Variants in LASP1 observed in about 807,000 individuals in gnomAD.
The protein encoded by LASP1 is LIM and SH3 protein 1, also known as LIM and SH3 domain protein 1.
Under a neutral mutation model 38.6 loss-of-function variants are expected in LASP1, and 10 were observed. That is an observed-to-expected ratio of 0.26 (90% CI 0.16 to 0.44). The LOEUF (loss-of-function observed/expected upper bound fraction) is 0.44. LASP1 is among the 20% of genes least tolerant of loss of function. LASP1 has a pLI of 1.00. For missense variants in LASP1, 243 were observed against 375.7 expected (o/e 0.65, Z 2.92); for synonymous variants, 132 against 140.8 (o/e 0.94, Z 0.44).
chr17:38,915,553 CGCATCACCCTGATGCTTT>C (rs1283859122), intron 6 of LASP1: 3 of 160,948 alleles, frequency 1.9e-5, no homozygotes, highest in African/African-American at 7.2e-5. Context: ...TCGTGTAAAG[CGCATCACCCTGATGCTTT>C]GCATCACTCG....
chr17:38,890,121 G>T, intron 2 of LASP1: 1 of 347,992 alleles, frequency 2.9e-6, no homozygotes, highest in Non-Finnish European at 5.5e-6. Flanking sequence ...CCAAACAAGG[G>T]TAACCTTCAA....
chr17:38,901,132 T>G (rs931062521), intron 4 of LASP1, among the ~76,000 whole-genome samples: 2 of 152,320 alleles, frequency 1.3e-5, no homozygotes, highest in African/African-American at 4.8e-5. Flanking sequence ...GGCTGTTCAC[T>G]CATTGCTTCA....
chr17:38,909,162 C>T lies in LASP1; in HGVS notation c.358-5163C>T, dbSNP rs188527256. Among the ~76,000 whole-genome samples the T allele has an allele frequency of 5.9e-5, 9 of 152,248 alleles. No homozygotes were observed. The East Asian group carries it at 9.7e-4, about 16-fold the overall frequency. The stretch of plus-strand genomic sequence containing the variant: ...CCAGTTTCTCTCCTTGTCCTGGTGT[C>T]CTGCTTTCTGAGTTTCCCCTGAGGG... On this transcript the variant is annotated intron_variant, in intron 4 of 6. Transcript: ENST00000318008.
At chr17:38,886,447 T>A (rs1914140723) in intron 2 of LASP1, among the ~76,000 whole-genome samples, 1 of 152,078 alleles carries the variant, frequency 6.6e-6, no homozygotes, top group African/African-American at 2.4e-5. Flanking sequence ...TTAATCTAGT[T>A]AATCTGATGC....
chr17:38,890,193 TC>T, intron 2 of LASP1: 1 of 546,704 alleles, frequency 1.8e-6, no homozygotes, highest in Admixed American at 3.1e-5. Context: ...GGCTGGCCCA[TC>T]ACTGATGCCT....
chr17:38,896,649 A>G (rs973008565), intron 3 of LASP1, among the ~76,000 whole-genome samples: 10 of 152,132 alleles, frequency 6.6e-5, no homozygotes, highest in Non-Finnish European at 1.2e-4. Flanking sequence ...GCACTTTCAC[A>G]CTGGCCCTCC....
intron 3 of LASP1, among the ~76,000 whole-genome samples, chr17:38,891,892 C>T (rs1037154060): frequency 2.0e-5 from 3 of 151,964 alleles, no homozygotes; most frequent in East Asian, 1.9e-4. Context: ...CCCAGGAGTT[C>T]GAGACCAGCT....
At chr17:38,909,151 T>C (rs1363794489) in intron 4 of LASP1, among the ~76,000 whole-genome samples, 1 of 152,208 alleles carries the variant, frequency 6.6e-6, no homozygotes, top group Non-Finnish European at 1.5e-5. Flanking sequence ...TTTCTCTCCT[T>C]GTCCTGGTGT....
At chr17:38,890,186 T>C (rs1914265149) in intron 2 of LASP1, 2 of 535,124 alleles carry the variant, frequency 3.7e-6, no homozygotes, top group Non-Finnish European at 6.8e-6. Flanking sequence ...TCTCCTTGGC[T>C]GGCCCATCAC....
At chr17:38,900,391 A>AAAAAAAAAAG (rs1914609563) in intron 4 of LASP1, among the ~76,000 whole-genome samples, 1 of 149,872 alleles carries the variant, frequency 6.7e-6, no homozygotes, top group Non-Finnish European at 1.5e-5. Flanking sequence ...AAAAAAAAAA[A>AAAAAAAAAAG]GGACCAGGCG....
rs180685461 is a variant in LASP1, at chr17:38,920,913, T to G, written c.*2135T>G. ...CAGGGACACATCCCCTTAGAGGACC[T>G]GAGTTTGGGAGAGTGGTGAGTGGAA... On this transcript the variant is annotated 3_prime_UTR_variant, in exon 7 of 7. Coordinates refer to ENST00000318008, the MANE Select transcript of LASP1 (RefSeq NM_006148.4). 1 of 232,382 alleles carries G rather than the reference T, an allele frequency of 4.3e-6. No individual in the cohort carries two copies. The highest frequency in any genetic ancestry group is 6.1e-5 in the East Asian group (1 of 16,426). The allele number at this position is 232,382 out of a possible 1,614,324, so 14.4% of individuals were successfully genotyped here.
intron 3 of LASP1, among the ~76,000 whole-genome samples, chr17:38,892,044 G>A (rs151292916): frequency 1.4e-3 from 206 of 152,236 alleles, no homozygotes; most frequent in African/African-American, 4.7e-3. Context: ...AGCCATGATC[G>A]CACCACTACA....
chr17:38,881,080 G>A (rs1567696002), intron 2 of LASP1, among the ~76,000 whole-genome samples: 1 of 151,934 alleles, frequency 6.6e-6, no homozygotes, highest in Admixed American at 6.6e-5. Context: ...CAGTCTGAGC[G>A]ACAGAGCGAG....
chr17:38,907,093 A>G lies in LASP1; in HGVS notation c.358-7232A>G, dbSNP rs766271684. On this transcript the variant is annotated intron_variant, in intron 4 of 6. Transcript: ENST00000318008. ...GTGCTAACATCCCCCTCATGTGCCTATTTGCTTAACAAACCAGTAGGTGGG... is the reference window on the plus strand; with the variant it reads ...GTGCTAACATCCCCCTCATGTGCCTGTTTGCTTAACAAACCAGTAGGTGGG... Among the ~76,000 whole-genome samples the G allele has an allele frequency of 1.4e-4, 22 of 152,262 alleles. No individual in the cohort carries two copies. The South Asian group carries it at 1.5e-3, about 10-fold the overall frequency.
At chr17:38,874,588 G>A (rs932335754) in intron 1 of LASP1, among the ~76,000 whole-genome samples, 2 of 152,178 alleles carry the variant, frequency 1.3e-5, no homozygotes, top group Admixed American at 6.5e-5. Context: ...CAAGCATTAG[G>A]GGTGGAACGG....
In LASP1 at chr17:38,890,413, C is replaced by T. The variant is rs1260155610; in HGVS notation, c.165-7C>T. The T allele has an allele frequency of 6.2e-7, 1 of 1,613,670 alleles. No homozygotes were observed. The highest frequency in any genetic ancestry group is 1.7e-5 in the Admixed American group (1 of 59,994). On this transcript the variant is annotated splice_polypyrimidine_tract_variant and splice_region_variant and intron_variant, in intron 2 of 6. Coordinates refer to ENST00000318008, the MANE Select transcript of LASP1 (RefSeq NM_006148.4). ...GTCACCCCCACTCTGTTTTTTCTGT[C>T]CTGCAGACACTACCCCAAGCAGTCC...
chr17:38,919,712 T>G lies in LASP1; in HGVS notation c.*934T>G. 1 of 385,386 alleles carries G rather than the reference T, an allele frequency of 2.6e-6. No homozygotes were observed. Among genetic ancestry groups the G allele is most frequent in the Non-Finnish European group, 5.0e-6 (1 of 201,230 alleles). The allele number at this position is 385,386 out of a possible 1,614,324, so 23.9% of individuals were successfully genotyped here. A position where few individuals can be genotyped will look rare whatever the true frequency, so the allele number is the denominator to read the frequency against. On this transcript the variant is annotated 3_prime_UTR_variant, in exon 7 of 7. Coordinates refer to ENST00000318008, the MANE Select transcript of LASP1 (RefSeq NM_006148.4). ...TTAGGTGGCCGCTCCTCCCTGCTCC[T>G]CATGGGAAGATGTCTCAGAGCCTTC...
At chr17:38,875,556 C>T (rs1052946283) in intron 1 of LASP1, among the ~76,000 whole-genome samples, 4 of 152,112 alleles carry the variant, frequency 2.6e-5, no homozygotes, top group African/African-American at 9.7e-5. Flanking sequence ...TCCAGACTTC[C>T]GGCTGGCCGT....
At chr17:38,875,185 A>C (rs1430452168) in intron 1 of LASP1, among the ~76,000 whole-genome samples, 1 of 151,872 alleles carries the variant, frequency 6.6e-6, no homozygotes, top group Non-Finnish European at 1.5e-5. Flanking sequence ...GGGCCTAGGC[A>C]GGGGCCTGTG....
Sources: gnomAD v4.1 joint callset for allele counts (sites outside exome capture counted in the v4.1 genomes callset) on GRCh38, gnomAD v4.1.1 for gene constraint, MANE v1.5 for transcripts, NCBI Gene and HGNC (gene_info 2026-07-23, HGNC 2026-07-21) for gene names.